The following ZNF407 variants were observed in gnomAD, a reference collection of about 807,000 sequenced individuals.
ZNF407 encodes the protein zinc finger protein 407.
A neutral mutation model predicts 131.2 loss-of-function variants in ZNF407; 17 were observed. The observed-to-expected ratio is 0.13, with a 90% CI of 0.09 to 0.19. ZNF407 has a LOEUF of 0.19. ZNF407 is among the 10% of genes least tolerant of loss of function. The pLI is 1.00. For missense variants in ZNF407, 2,681 were observed against 2,830.6 expected, an observed-to-expected ratio of 0.95 and a Z score of 1.20; for synonymous variants, 1,156 against 1,062.0, an observed-to-expected ratio of 1.09 and a Z score of -1.72.
intron 4 of ZNF407, among the ~76,000 whole-genome samples, chr18:74,798,316 T>G (rs1260068289): frequency 6.6e-6 from 1 of 151,906 alleles, no homozygotes; most frequent in Non-Finnish European, 1.5e-5. Context: ...GAGGAAAACA[T>G]TGTAAAGCAG....
chr18:74,731,309 G>A (rs1013037853), intron 3 of ZNF407, among the ~76,000 whole-genome samples: 2 of 152,178 alleles, frequency 1.3e-5, no homozygotes, highest in Non-Finnish European at 2.9e-5. Context: ...CATTTCGGGC[G>A]AGTCACTCAT....
intron 1 of ZNF407, among the ~76,000 whole-genome samples, chr18:74,599,607 T>G (rs1599116682): frequency 6.6e-6 from 1 of 152,108 alleles, no homozygotes; most frequent in Non-Finnish European, 1.5e-5. Flanking sequence ...TGGGGAGTGG[T>G]GAAAGCTTCT....
chr18:74,642,209 A>G (rs1984755281), intron 3 of ZNF407, among the ~76,000 whole-genome samples: 1 of 152,090 alleles, frequency 6.6e-6, no homozygotes, highest in African/African-American at 2.4e-5. Flanking sequence ...TGTGGAATTG[A>G]TGGTTCAGTG....
At chr18:74,705,894 G>T (rs1222796981) in intron 3 of ZNF407, among the ~76,000 whole-genome samples, 1 of 152,156 alleles carries the variant, frequency 6.6e-6, no homozygotes, top group Non-Finnish European at 1.5e-5. Flanking sequence ...GGTCTACATT[G>T]TATCCTAGTA....
intron 3 of ZNF407, among the ~76,000 whole-genome samples, chr18:74,739,168 A>T (rs561413234): frequency 6.6e-6 from 1 of 151,630 alleles, no homozygotes; most frequent in South Asian, 2.1e-4. Flanking sequence ...GATGTATATA[A>T]GAATTATTAC....
intron 4 of ZNF407, among the ~76,000 whole-genome samples, chr18:74,839,571 A>G (rs567986912): frequency 4.8e-4 from 73 of 152,330 alleles, no homozygotes; most frequent in African/African-American, 1.7e-3. Context: ...CTGTTAGCAC[A>G]TCTACAAATA....
Position 74,626,941 on chromosome 18 carries a change from G to A in ZNF407, c.-53-4026G>A, listed in dbSNP as rs1450327763. 2.0e-5 allele frequency among the ~76,000 whole-genome samples: 3 copies of A among 152,194 alleles called. No individual in the cohort carries two copies. The South Asian group carries it at 6.2e-4, about 32-fold the overall frequency. On this transcript the variant is annotated intron_variant, in intron 1 of 8. Transcript: ENST00000299687. ...GTATCCTGATAGGGATTCCTGGGAC[G>A]TCACCTCTGCAGATCTCTGGGCCTC...
intron 1 of ZNF407, among the ~76,000 whole-genome samples, chr18:74,629,726 C>T (rs1983962059): frequency 6.6e-6 from 1 of 152,138 alleles, no homozygotes; most frequent in South Asian, 2.1e-4. Flanking sequence ...TGTCATTAGC[C>T]TTGAGACTAT....
intron 3 of ZNF407, among the ~76,000 whole-genome samples, chr18:74,769,444 A>C (rs1969315354): frequency 6.6e-6 from 1 of 152,134 alleles, no homozygotes; most frequent in Admixed American, 6.5e-5. Context: ...TCTTATGATA[A>C]GTACCTCTTT....
intron 1 of ZNF407, among the ~76,000 whole-genome samples, chr18:74,630,413 C>T (rs188227988): frequency 7.2e-5 from 11 of 152,128 alleles, no homozygotes; most frequent in African/African-American, 1.9e-4. Context: ...CCTCGTGATC[C>T]GCCTGCCTCG....
At chr18:74,759,399 G>C (rs780864199) in intron 3 of ZNF407, among the ~76,000 whole-genome samples, 5 of 152,182 alleles carry the variant, frequency 3.3e-5, no homozygotes, top group Middle Eastern at 3.4e-3. Context: ...GATTTGTTAA[G>C]CTTTTGATCA....
intron 3 of ZNF407, among the ~76,000 whole-genome samples, chr18:74,692,142 A>T (rs1018763941): frequency 8.6e-5 from 13 of 151,892 alleles, no homozygotes; most frequent in Non-Finnish European, 1.3e-4. Flanking sequence ...TGTGGAAAAA[A>T]ATATATATAT....
At chr18:74,989,543 T>C (rs766476222) in intron 8 of ZNF407, among the ~76,000 whole-genome samples, 1 of 152,196 alleles carries the variant, frequency 6.6e-6, no homozygotes, top group Non-Finnish European at 1.5e-5. Context: ...ATTTTAGATA[T>C]TGGAATTACA....
Position 74,949,166 on chromosome 18 carries a change from T to C in ZNF407, c.5428+28474T>C, listed in dbSNP as rs370107322. ...GATATTTTCAGTAGGTACATTTCTT[T>C]CTGACAAACACACATTTGAAATAAA... On this transcript the variant is annotated intron_variant, in intron 8 of 8. Transcript: ENST00000299687. Among the ~76,000 whole-genome samples the C allele has an allele frequency of 5.3e-5, 8 of 152,368 alleles. No homozygotes were observed. The South Asian group carries it at 1.0e-3, about 20-fold the overall frequency.
At chr18:74,916,627 G>A (rs543476896) in intron 7 of ZNF407, among the ~76,000 whole-genome samples, 8 of 100,010 alleles carry the variant, frequency 8.0e-5, no homozygotes, top group African/African-American at 3.6e-4. Flanking sequence ...GTTCGAATCG[G>A]GAGTGTGTGT....
intron 8 of ZNF407, among the ~76,000 whole-genome samples, chr18:75,049,868 C>T (rs1307085718): frequency 6.6e-6 from 1 of 152,162 alleles, no homozygotes; most frequent in South Asian, 2.1e-4. Flanking sequence ...TAAGTATAGT[C>T]TGAGCAGCTT....
rs77254545 is a variant in ZNF407 at position 74,737,452 on chromosome 18, A to T, written c.4803-43976A>T. 5.5e-3 allele frequency among the ~76,000 whole-genome samples: 843 copies of T among 152,344 alleles called. 5 individuals carry two copies. Among genetic ancestry groups the T allele is most frequent in the Non-Finnish European group, 9.2e-3 (624 of 68,022 alleles). On this transcript the variant is annotated intron_variant, in intron 3 of 8. Coordinates refer to ENST00000299687, the MANE Select transcript of ZNF407 (RefSeq NM_017757.3). ...TACATAATTACACATTTATATGTAC[A>T]TATGTATTAAGTAATTATAATTGTT... is the stretch of plus-strand genomic sequence containing the variant.
At chr18:74,738,777 A>G (rs1968480827) in intron 3 of ZNF407, among the ~76,000 whole-genome samples, 2 of 152,166 alleles carry the variant, frequency 1.3e-5, no homozygotes, top group African/African-American at 4.8e-5. Context: ...ATTCTCTATG[A>G]ATTCTGTAAA....
intron 8 of ZNF407, among the ~76,000 whole-genome samples, chr18:74,980,758 A>G (rs748959169): frequency 3.3e-5 from 5 of 152,100 alleles, no homozygotes; most frequent in Non-Finnish European, 5.9e-5. Context: ...TTGCCCACAA[A>G]TATTTTGAGA....
Sources: allele counts gnomAD v4.1 joint callset (sites outside exome capture counted in the v4.1 genomes callset), GRCh38; gene constraint gnomAD v4.1.1; transcripts MANE v1.5; gene names NCBI Gene and HGNC (gene_info 2026-07-23, HGNC 2026-07-21).